MED27: variants seen among roughly 807,000 people sequenced by gnomAD.
MED27 encodes mediator of RNA polymerase II transcription subunit 27.
MED27 carries 30 observed loss-of-function variants against 38.2 expected under a neutral mutation model. The ratio of observed to expected loss-of-function variants is 0.79; its 90% CI spans 0.59 to 1.07. The LOEUF (loss-of-function observed/expected upper bound fraction) is 1.07, where lower values mean the gene tolerates loss of function less well. MED27 is among the 50% of genes least tolerant of loss of function. The pLI is 0.00. For synonymous variants in MED27, 122 were observed against 153.5 expected (o/e 0.79, Z 1.52); for missense variants, 289 against 397.5 (o/e 0.73, Z 2.32).
intron 2 of MED27, among the ~76,000 whole-genome samples, chr9:132,031,713 G>A (rs539319871): frequency 2.0e-5 from 3 of 151,968 alleles, no homozygotes; most frequent in Non-Finnish European, 4.4e-5. Context: ...AACACATCTG[G>A]TATAAATCTT....
chr9:132,061,532 T>A (rs577970603), intron 2 of MED27, among the ~76,000 whole-genome samples: 7 of 152,392 alleles, frequency 4.6e-5, no homozygotes, highest in South Asian at 4.1e-4. Flanking sequence ...TTAATCACTA[T>A]AAAATTTGTT....
chr9:131,926,079 C>G (rs1224010352), intron 4 of MED27, among the ~76,000 whole-genome samples: 1 of 152,228 alleles, frequency 6.6e-6, no homozygotes, highest in African/African-American at 2.4e-5. Flanking sequence ...CCCCTCACTC[C>G]TGTGCTCTGG....
intron 2 of MED27, among the ~76,000 whole-genome samples, chr9:132,032,604 T>C (rs115087146): frequency 0.03 from 4,564 of 152,218 alleles, 223 homozygotes; most frequent in African/African-American, 0.098. Context: ...CCTAAGCAAA[T>C]AGGATTGTAA....
At chr9:131,963,163 T>G (rs1412916958) in intron 3 of MED27, among the ~76,000 whole-genome samples, 2 of 152,166 alleles carry the variant, frequency 1.3e-5, no homozygotes, top group African/African-American at 4.8e-5. Context: ...CCCAACTGTT[T>G]CAAAGTTCAT....
intron 2 of MED27, among the ~76,000 whole-genome samples, chr9:132,072,299 C>G (rs1428886563): frequency 6.6e-6 from 1 of 151,846 alleles, no homozygotes. Context: ...AGTATTATCC[C>G]CATTCTACAG....
chr9:131,975,265 G>T (rs1831579840), intron 3 of MED27, among the ~76,000 whole-genome samples: 1 of 152,180 alleles, frequency 6.6e-6, no homozygotes, highest in South Asian at 2.1e-4. Context: ...ACTATGAGAA[G>T]TTCACCTACT....
At chr9:131,900,572 G>C (rs149030275) in intron 4 of MED27, among the ~76,000 whole-genome samples, 2,909 of 152,028 alleles carry the variant, frequency 0.019, 55 homozygotes, top group Non-Finnish European at 0.032. Flanking sequence ...CTTTGAAACT[G>C]AGCGGTATCT....
intron 2 of MED27, among the ~76,000 whole-genome samples, chr9:132,024,606 G>A (rs954482699): frequency 3.3e-5 from 5 of 152,188 alleles, no homozygotes; most frequent in African/African-American, 1.2e-4. Context: ...CCACTAGGTC[G>A]TTCTAAATGA....
intron 2 of MED27, among the ~76,000 whole-genome samples, chr9:132,034,479 A>G (rs528602250): frequency 1.3e-5 from 2 of 152,330 alleles, no homozygotes; most frequent in South Asian, 2.1e-4. Context: ...CGCTCTGTCC[A>G]AGGTCAAAGG....
intron 3 of MED27, among the ~76,000 whole-genome samples, chr9:131,999,900 C>T (rs1042342071): frequency 6.6e-5 from 10 of 152,060 alleles, no homozygotes; most frequent in Non-Finnish European, 1.3e-4. Flanking sequence ...CAGCCCACAA[C>T]TACTGTTTCC....
At chr9:132,071,599 C>A (rs1237073145) in intron 2 of MED27, among the ~76,000 whole-genome samples, 2 of 151,524 alleles carry the variant, frequency 1.3e-5, no homozygotes, top group South Asian at 4.2e-4. Flanking sequence ...ACCTGTGCCC[C>A]ATGAACGAGC....
At chr9:131,998,467 T>C (rs986383856) in intron 3 of MED27, among the ~76,000 whole-genome samples, 1 of 152,112 alleles carries the variant, frequency 6.6e-6, no homozygotes, top group East Asian at 1.9e-4. Flanking sequence ...CCTTATTTCC[T>C]TCACTATGAA....
intron 4 of MED27, among the ~76,000 whole-genome samples, chr9:131,907,271 C>G (rs923328622): frequency 2.0e-5 from 3 of 152,114 alleles, no homozygotes; most frequent in African/African-American, 4.8e-5. Flanking sequence ...GATGCCGAGC[C>G]GAAGCTGGAC....
chr9:131,877,649 A>G (rs773585959), intron 6 of MED27, among the ~76,000 whole-genome samples: 1 of 152,178 alleles, frequency 6.6e-6, no homozygotes, highest in Non-Finnish European at 1.5e-5. Context: ...CAGCGGCACC[A>G]CACACCCAAC....
At chr9:132,056,690 A>G (rs1194138801) in intron 2 of MED27, among the ~76,000 whole-genome samples, 1 of 152,200 alleles carries the variant, frequency 6.6e-6, no homozygotes, top group Non-Finnish European at 1.5e-5. Context: ...TTCACAGATT[A>G]GGAAAGGTAT....
chr9:131,884,605 CTTTT>C (rs11331082), intron 5 of MED27, among the ~76,000 whole-genome samples: 4 of 122,700 alleles, frequency 3.3e-5, no homozygotes, highest in Non-Finnish European at 5.0e-5. Flanking sequence ...ATTCTCTTTA[CTTTT>C]TTTTTTTTTT....
At chr9:131,944,278 C>A (rs1424948259) in intron 3 of MED27, among the ~76,000 whole-genome samples, 2 of 152,182 alleles carry the variant, frequency 1.3e-5, no homozygotes, top group Admixed American at 1.3e-4. Context: ...CAATTTACGG[C>A]TTGAACAGCA....
intron 6 of MED27, among the ~76,000 whole-genome samples, chr9:131,871,825 A>T (rs1430611593): frequency 6.6e-6 from 1 of 152,158 alleles, no homozygotes; most frequent in East Asian, 1.9e-4. Context: ...GTTATGGGCC[A>T]ACCTTGCACC....
At chr9:131,903,908 C>CT (rs1364742220) in intron 4 of MED27, among the ~76,000 whole-genome samples, 4 of 104,778 alleles carry the variant, frequency 3.8e-5, no homozygotes, top group African/African-American at 1.5e-4. Flanking sequence ...TTTTTTTTTT[C>CT]TTTTTTTTGA....
Sources: gnomAD v4.1 joint callset for allele counts (sites outside exome capture counted in the v4.1 genomes callset) on GRCh38, gnomAD v4.1.1 for gene constraint, MANE v1.5 for transcripts, NCBI Gene and HGNC (gene_info 2026-07-23, HGNC 2026-07-21) for gene names.